CEP128: variants seen among roughly 807,000 people sequenced by gnomAD.
CEP128 encodes centrosomal protein 128.
A neutral mutation model predicts 156.7 loss-of-function variants in CEP128; 132 were observed. The ratio of observed to expected loss-of-function variants is 0.84; its 90% CI spans 0.73 to 0.97. CEP128 has a LOEUF of 0.97. Among genes scored for constraint, CEP128 ranks in the 50% least tolerant of loss-of-function variants. The pLI is 0.00. For missense variants in CEP128, 1,252 were observed against 1,281.9 expected, an observed-to-expected ratio of 0.98 and a Z score of 0.36; for synonymous variants, 469 against 448.9, an observed-to-expected ratio of 1.04 and a Z score of -0.57.
intron 19 of CEP128, among the ~76,000 whole-genome samples, chr14:80,668,561 T>C (rs576018025): frequency 5.3e-5 from 8 of 152,152 alleles, no homozygotes; most frequent in Admixed American, 3.9e-4. Context: ...ACATGAAGAA[T>C]AGATTGAGAG....
chr14:80,541,240 G>A (rs1742083931), intron 21 of CEP128, among the ~76,000 whole-genome samples: 1 of 152,182 alleles, frequency 6.6e-6, no homozygotes, highest in Non-Finnish European at 1.5e-5. Context: ...GTAGCATTAA[G>A]TTCTTCCTAT....
rs755155371 is a variant in CEP128 at position 80,838,296 on chromosome 14, G to A, written c.850-18C>T. 51 of 1,596,188 alleles carry A rather than the reference G, an allele frequency of 3.2e-5. No individual in the cohort carries two copies. Among genetic ancestry groups the A allele is most frequent in the Non-Finnish European group, 4.3e-5 (50 of 1,166,066 alleles). ...TGTTCAAGCTAGAGTTTCAACAAAG[G>A]ATAAAGAAAAATGCCCAATGGAGCA... On this transcript the variant is annotated intron_variant, in intron 10 of 24. Transcript: ENST00000555265.
Position 80,756,882 on chromosome 14 carries a change from G to C in CEP128, c.2613+10C>G. 6.5e-7 allele frequency: 1 copy of C among 1,542,138 alleles called. No individual in the cohort carries two copies. The highest frequency in any genetic ancestry group is 8.9e-7 in the Non-Finnish European group (1 of 1,118,122). ...TATTACAATAACTTTAGGATTTAAA[G>C]ATTAATTACCTTGCTTTCTGCTAAC... On this transcript the variant is annotated intron_variant, in intron 18 of 24. Coordinates refer to ENST00000555265, the MANE Select transcript of CEP128 (RefSeq NM_152446.5).
At chr14:80,876,323 C>T (rs562175394) in intron 8 of CEP128, among the ~76,000 whole-genome samples, 244 of 152,078 alleles carry the variant, frequency 1.6e-3, no homozygotes, top group African/African-American at 5.7e-3. Context: ...TCAGGCCGGG[C>T]GCAGTGGCTC....
At chr14:80,647,420 C>T (rs574547984) in intron 19 of CEP128, among the ~76,000 whole-genome samples, 3 of 151,950 alleles carry the variant, frequency 2.0e-5, no homozygotes, top group South Asian at 2.1e-4. Context: ...CAGAACCTTA[C>T]GTACATACAT....
intron 10 of CEP128, 120 bp from the exon 11 acceptor site, chr14:80,838,398 TATAAA>T: frequency 1.6e-6 from 1 of 641,066 alleles, no homozygotes; most frequent in South Asian, 1.9e-5. Flanking sequence ...TTACAGCTAA[TATAAA>T]AGAATAAATA....
intron 19 of CEP128, among the ~76,000 whole-genome samples, chr14:80,670,735 C>T (rs1011577626): frequency 4.0e-5 from 6 of 151,706 alleles, no homozygotes; most frequent in African/African-American, 1.5e-4. Context: ...GATTATACAG[C>T]CATGTAAGAA....
chr14:80,608,734 A>G (rs1892883194), intron 19 of CEP128, among the ~76,000 whole-genome samples: 1 of 152,108 alleles, frequency 6.6e-6, no homozygotes, highest in South Asian at 2.1e-4. Flanking sequence ...GCTAACTCTT[A>G]CTTGTCCTTC....
chr14:80,689,500 C>T (rs1896645515), intron 19 of CEP128, among the ~76,000 whole-genome samples: 1 of 152,060 alleles, frequency 6.6e-6, no homozygotes, highest in South Asian at 2.1e-4. Context: ...TCTAGGTTAC[C>T]AGAACTACTA....
chr14:80,577,773 T>A (rs1277138719), intron 20 of CEP128, among the ~76,000 whole-genome samples: 1 of 152,170 alleles, frequency 6.6e-6, no homozygotes, highest in African/African-American at 2.4e-5. Flanking sequence ...ATACCGAAGG[T>A]AAAGTCCAAA....
intron 9 of CEP128, among the ~76,000 whole-genome samples, chr14:80,854,579 A>G (rs757467210): frequency 1.3e-5 from 2 of 152,138 alleles, no homozygotes; most frequent in Non-Finnish European, 2.9e-5. Flanking sequence ...GTTCATGATG[A>G]AAGAACAGAG....
chr14:80,912,301 C>T lies in CEP128; in HGVS notation c.234+2021G>A, dbSNP rs185039997. On this transcript the variant is annotated intron_variant, in intron 4 of 24. Coordinates refer to ENST00000555265, the MANE Select transcript of CEP128 (RefSeq NM_152446.5). ...AGAGACTTGATGACAATGGATCCCT[C>T]GTTGAAAATTGCTTTCTTAACATTA... 8.2e-3 allele frequency among the ~76,000 whole-genome samples: 1,239 copies of T among 151,852 alleles called. 11 individuals carry two copies. The highest frequency in any genetic ancestry group is 0.01 in the Non-Finnish European group (684 of 67,972).
chr14:80,520,989 ATTTT>A (rs533538115), intron 23 of CEP128, among the ~76,000 whole-genome samples: 1 of 114,586 alleles, frequency 8.7e-6, no homozygotes, highest in East Asian at 2.3e-4. Flanking sequence ...CGCCCAGCTA[ATTTT>A]TTTTTTTTTT....
chr14:80,579,470 C>T (rs967895399), intron 20 of CEP128, among the ~76,000 whole-genome samples: 4 of 152,088 alleles, frequency 2.6e-5, no homozygotes, highest in African/African-American at 9.7e-5. Context: ...ATACAATTTT[C>T]TCTTAATGGG....
At chr14:80,509,583 G>A (rs1437196437) in intron 23 of CEP128, among the ~76,000 whole-genome samples, 2 of 152,142 alleles carry the variant, frequency 1.3e-5, no homozygotes, top group African/African-American at 4.8e-5. Context: ...CCCCCATTCT[G>A]TGGGTTGTCT....
rs560899172 is a variant in CEP128, at chr14:80,895,795, G to GAA, written c.573-7_573-6dup. 55 of 1,058,036 alleles carry GAA rather than the reference G, an allele frequency of 5.2e-5. No homozygotes were observed. The highest frequency in any genetic ancestry group is 4.3e-4 in the Admixed American group (9 of 21,154). 65.5% of individuals were successfully genotyped at this position (1,058,036 alleles called of 1,614,324 possible). A position where few individuals can be genotyped will look rare whatever the true frequency, so the allele number is the denominator to read the frequency against. ...CTTTTTGTTTCGGCATCTGACCTAG[G>GAA]AAGAAAAAAAAAAAAAAGATTTAAA... On this transcript the variant is annotated splice_region_variant and splice_polypyrimidine_tract_variant and intron_variant, in intron 7 of 24. Transcript: ENST00000555265.
intron 19 of CEP128, among the ~76,000 whole-genome samples, chr14:80,598,430 T>C (rs1892435084): frequency 6.6e-6 from 1 of 152,144 alleles, no homozygotes; most frequent in Non-Finnish European, 1.5e-5. Flanking sequence ...GTAAAGAATT[T>C]GTTTGCAGAA....
At chr14:80,868,140 G>A (rs1887860034) in intron 8 of CEP128, among the ~76,000 whole-genome samples, 1 of 151,850 alleles carries the variant, frequency 6.6e-6, no homozygotes, top group Non-Finnish European at 1.5e-5. Flanking sequence ...AATATAAAAG[G>A]GAGTTCTTCA....
chr14:80,477,364 A>G (rs962832734), exon 15 of CEP128: 2 of 152,212 alleles, frequency 1.3e-5, no homozygotes, highest in Non-Finnish European at 2.9e-5. Context: ...GAAACTGGAC[A>G]TTTAGCTATC....
Sources: gnomAD v4.1 joint callset for allele counts (sites outside exome capture counted in the v4.1 genomes callset) on GRCh38, gnomAD v4.1.1 for gene constraint, MANE v1.5 for transcripts, NCBI Gene and HGNC (gene_info 2026-07-23, HGNC 2026-07-21) for gene names.